Variants in DLG5 observed in about 807,000 individuals in gnomAD.
The protein encoded by DLG5 is discs large MAGUK scaffold protein 5.
DLG5 carries 48 observed loss-of-function variants against 189.8 expected under a neutral mutation model. The ratio of observed to expected loss-of-function variants is 0.25; its 90% confidence interval spans 0.20 to 0.32. DLG5 has a LOEUF of 0.32. Ranked by LOEUF, DLG5 falls within the 10% of genes least tolerant of loss-of-function variation. The pLI is 1.00. For missense variants in DLG5, 2,160 were observed against 2,544.7 expected (o/e 0.85, Z 3.25); for synonymous variants, 1,016 against 1,054.1 (o/e 0.96, Z 0.70).
At position 77,899,103 on chromosome 10, in the gene DLG5, C is replaced by T. The variant is rs542154125; in HGVS notation, c.304+27114G>A. Among the ~76,000 whole-genome samples, 299 of 152,358 alleles carry T rather than the reference C, an allele frequency of 2.0e-3. 1 individual carries two copies. Among genetic ancestry groups the T allele is most frequent in the African/African-American group, 6.8e-3 (282 of 41,592 alleles). On this transcript the variant is annotated intron_variant, in intron 1 of 31. Transcript: ENST00000372391. The stretch of plus-strand genomic sequence containing the variant: ...CAGGGCTTGGTTTCTGAGGTCCCAT[C>T]CGCCTTGAAGTTGGCAAGGGCTAGG...
intron 1 of DLG5, among the ~76,000 whole-genome samples, chr10:77,876,545 G>T (rs1220351197): frequency 6.6e-6 from 1 of 150,938 alleles, no homozygotes; most frequent in African/African-American, 2.4e-5. Context: ...TGGCTATTTT[G>T]TATTTTTTAG....
In DLG5 at chr10:77,830,934, C is replaced by T. The variant is rs545638117; in HGVS notation, c.1749-61G>A. On this transcript the variant is annotated intron_variant, in intron 9 of 31. Transcript: ENST00000372391. ...GGAGGTGAAACATCCCACCGCGTAA[C>T]GGCTCTGAACCTCACGAGGCAGGCC... The T allele has an allele frequency of 2.3e-4, 363 of 1,574,606 alleles. 4 individuals carry two copies. In the South Asian group the frequency reaches 4.0e-3, roughly 17 times the overall value.
At chr10:77,915,045 G>C (rs1305846133) in intron 1 of DLG5, among the ~76,000 whole-genome samples, 1 of 152,084 alleles carries the variant, frequency 6.6e-6, no homozygotes, top group Non-Finnish European at 1.5e-5. Flanking sequence ...TAAAAGACTA[G>C]GGGCTGGGCA....
intron 1 of DLG5, among the ~76,000 whole-genome samples, chr10:77,898,343 T>G (rs1303170378): frequency 6.6e-6 from 1 of 152,238 alleles, no homozygotes; most frequent in Non-Finnish European, 1.5e-5. Flanking sequence ...AATCCTGAAT[T>G]GCTCGTAGGA....
At chr10:77,808,767 A>G (rs1326839783) in intron 24 of DLG5, among the ~76,000 whole-genome samples, 1 of 152,196 alleles carries the variant, frequency 6.6e-6, no homozygotes, top group Non-Finnish European at 1.5e-5. Context: ...CCTCCTCAGA[A>G]GGGCTTGGCA....
chr10:77,853,330 C>T, intron 5 of DLG5, 24 bp downstream of exon 5: 2 of 1,458,734 alleles, frequency 1.4e-6, no homozygotes, highest in Non-Finnish European at 1.8e-6. Flanking sequence ...GGAGAAATGG[C>T]CAGTCTCCAG....
rs556739746 is a variant in DLG5 at position 77,820,907 on chromosome 10, C to T, written c.3402+175G>A. On this transcript the variant is annotated intron_variant, in intron 15 of 31. Transcript: ENST00000372391. ...ACACTCCCACTACCATGCACTTCCA[C>T]GCCACTTACCTACCTCCTAGCTGGG... is the stretch of plus-strand genomic sequence containing the variant. The T allele has an allele frequency of 4.6e-4, 338 of 741,288 alleles. 1 individual carries two copies. The highest frequency in any genetic ancestry group is 2.6e-3 in the South Asian group (125 of 47,862). 45.9% of individuals were successfully genotyped at this position (741,288 alleles called of 1,614,324 possible).
At chr10:77,911,419 T>C (rs145810663) in intron 1 of DLG5, among the ~76,000 whole-genome samples, 1 of 152,308 alleles carries the variant, frequency 6.6e-6, no homozygotes, top group African/African-American at 2.4e-5. Context: ...CTAGCCAGAA[T>C]TAAAGTATTT....
chr10:77,792,757 C>G (rs1274494404), intron 31 of DLG5: 1 of 558,668 alleles, frequency 1.8e-6, no homozygotes, highest in Non-Finnish European at 3.2e-6. Context: ...AAACTGCCCA[C>G]CCCACTGCAG....
Position 77,794,987 on chromosome 10 carries a change from G to A in DLG5, c.5437-29C>T, listed in dbSNP as rs1417935406. 4 of 1,595,654 alleles carry A rather than the reference G, an allele frequency of 2.5e-6. No homozygotes were observed. The Admixed American group carries it at 6.8e-5, about 27-fold the overall frequency. ...GGGTGGGGGGTGCAGAGTGAGCCCT[G>A]GCGGGCAGTGAGGGGCAGCCAGCCC... On this transcript the variant is annotated intron_variant, in intron 29 of 31. Transcript: ENST00000372391.
At chr10:77,895,863 C>T (rs1398238884) in intron 1 of DLG5, among the ~76,000 whole-genome samples, 1 of 152,116 alleles carries the variant, frequency 6.6e-6, no homozygotes, top group East Asian at 1.9e-4. Context: ...CTCAAATGTA[C>T]CACTGCCAGG....
intron 5 of DLG5, 147 bp from the exon 6 acceptor site, chr10:77,843,853 G>T: frequency 2.1e-6 from 2 of 959,062 alleles, no homozygotes; most frequent in Non-Finnish European, 3.1e-6. Context: ...AGAGTCTTGA[G>T]GTCCAATTCT....
intron 9 of DLG5, among the ~76,000 whole-genome samples, chr10:77,831,472 T>C (rs890269470): frequency 1.3e-5 from 2 of 152,192 alleles, no homozygotes; most frequent in African/African-American, 4.8e-5. Flanking sequence ...AGACGGCTAT[T>C]CTAAAATGTA....
At chr10:77,902,787 C>T (rs968564904) in intron 1 of DLG5, among the ~76,000 whole-genome samples, 2 of 151,768 alleles carry the variant, frequency 1.3e-5, no homozygotes, top group East Asian at 1.9e-4. Context: ...GTGAACCCAG[C>T]AGGCGGAGCT....
intron 27 of DLG5, among the ~76,000 whole-genome samples, chr10:77,803,545 T>C (rs1022586398): frequency 6.6e-6 from 1 of 152,096 alleles, no homozygotes; most frequent in Non-Finnish European, 1.5e-5. Context: ...AAATATCACG[T>C]AAAATAGACT....
chr10:77,792,936 G>A (rs2812428), intron 31 of DLG5: 167,143 of 237,986 alleles, frequency 0.7, 60,038 homozygotes, highest in African/African-American at 0.88. Flanking sequence ...AAAGATGATG[G>A]CGCCAACTTG....
At chr10:77,935,017 C>G in the DLG5 span, among the ~76,000 whole-genome samples, 1 of 152,120 alleles carries the variant, frequency 6.6e-6, no homozygotes, top group Non-Finnish European at 1.5e-5. Flanking sequence ...GCCACCACAC[C>G]TGGCTAACTT....
chr10:77,884,219 A>T, intron 1 of DLG5, among the ~76,000 whole-genome samples: 1 of 152,166 alleles, frequency 6.6e-6, no homozygotes, highest in East Asian at 1.9e-4. Context: ...CTCGGAAGCA[A>T]AGAAACTTCT....
intron 1 of DLG5, among the ~76,000 whole-genome samples, chr10:77,903,125 T>C (rs911278090): frequency 6.6e-6 from 1 of 151,996 alleles, no homozygotes; most frequent in Non-Finnish European, 1.5e-5. Context: ...TTTAAAATAG[T>C]GTATAAAATC....
Sources: allele counts gnomAD v4.1 joint callset (sites outside exome capture counted in the v4.1 genomes callset), GRCh38; gene constraint gnomAD v4.1.1; transcripts MANE v1.5; gene names NCBI Gene and HGNC (gene_info 2026-07-23, HGNC 2026-07-21).